APOL3: variants seen among roughly 807,000 people sequenced by gnomAD.
The protein encoded by APOL3 is TNF-inducible protein CG12-1.
Under a neutral mutation model 11.6 loss-of-function variants are expected in APOL3, and 14 were observed. The observed-to-expected ratio is 1.21, with a 90% confidence interval of 0.80 to 1.89. The LOEUF (loss-of-function observed/expected upper bound fraction) is 1.89. Among genes scored for constraint, APOL3 ranks in the 40% most tolerant of loss-of-function variants. The pLI is 0.00. For synonymous variants in APOL3, 192 were observed against 190.6 expected, an observed-to-expected ratio of 1.01 and a Z score of -0.06; for missense variants, 483 against 492.1, an observed-to-expected ratio of 0.98 and a Z score of 0.17.
intron 1 of APOL3, chr22:36,149,380 G>T: frequency 7.7e-7 from 1 of 1,306,210 alleles, no homozygotes; most frequent in Non-Finnish European, 1.0e-6. Context: ...TCCTGTAGGG[G>T]TATGAAGAGA....
chr22:36,163,488 T>TGAAGA (rs2013784540), upstream of APOL3, among the ~76,000 whole-genome samples: 1 of 152,248 alleles, frequency 6.6e-6, no homozygotes, highest in South Asian at 2.1e-4. Flanking sequence ...CAATTTTTTT[T>TGAAGA]CCTTTTTCTT....
chr22:36,163,633 A>G (rs765310922), upstream of APOL3, among the ~76,000 whole-genome samples: 6 of 152,250 alleles, frequency 3.9e-5, no homozygotes, highest in Non-Finnish European at 8.8e-5. Flanking sequence ...TGGTCCACAC[A>G]TAGGTACAAC....
At chr22:36,157,383 T>C (rs2013073656) in intron 1 of APOL3, among the ~76,000 whole-genome samples, 1 of 152,226 alleles carries the variant, frequency 6.6e-6, no homozygotes, top group Non-Finnish European at 1.5e-5. Context: ...TCTTTGTCTG[T>C]AGTAGGTACC....
chr22:36,144,386 C>T (rs80580), intron 2 of APOL3, among the ~76,000 whole-genome samples: 96,634 of 151,952 alleles, frequency 0.64, 31,053 homozygotes, highest in Middle Eastern at 0.76. Context: ...TTCCCCACCT[C>T]TGACCTGCTG....
intron 2 of APOL3, 103 bp downstream of exon 3, chr22:36,145,370 G>A (rs2060154228): frequency 2.1e-6 from 3 of 1,429,468 alleles, no homozygotes; most frequent in African/African-American, 2.9e-5. Context: ...GTTCAGCAGA[G>A]GGGGCTGCCT....
chr22:36,149,034 A>T lies in APOL3; in HGVS notation c.224-3435T>A. ...TAGGAACCAGCCAGGGAAGAGGAAG[A>T]AGCAAGCCTACCTGAGTCCATGGTG... On this transcript the variant is annotated intron_variant, in intron 1 of 2. Coordinates refer to ENST00000349314, the Ensembl canonical transcript of APOL3. 7.3e-7 allele frequency: 1 copy of T among 1,368,476 alleles called. No individual in the cohort carries two copies. Among genetic ancestry groups the T allele is most frequent in the Non-Finnish European group, 9.8e-7 (1 of 1,021,978 alleles). 84.8% of individuals were successfully genotyped at this position (1,368,476 alleles called of 1,614,324 possible). A position where few individuals can be genotyped will look rare whatever the true frequency, so the allele number is the denominator to read the frequency against.
chr22:36,148,288 G>A lies in APOL3; in HGVS notation c.224-2689C>T, dbSNP rs546583002. Reference sequence around the variant, plus strand: ...TAAGCAGGTGCTTGTGATGGGCCGTGCAGGGCAGGCGCCCTGGGGGACAAA... The same window carrying A: ...TAAGCAGGTGCTTGTGATGGGCCGTACAGGGCAGGCGCCCTGGGGGACAAA... On this transcript the variant is annotated intron_variant, in intron 1 of 2. Transcript: ENST00000349314. 2.2e-3 allele frequency among the ~76,000 whole-genome samples: 328 copies of A among 152,370 alleles called. 1 individual carries two copies. Among genetic ancestry groups the A allele is most frequent in the Non-Finnish European group, 3.7e-3 (249 of 68,034 alleles).
rs550365349 is a variant in APOL3 at position 36,141,696 on chromosome 22, C to T, written c.713G>A (p.Ser238Asn). 1.6e-5 allele frequency: 26 copies of T among 1,614,078 alleles called. No individual in the cohort carries two copies. The Admixed American group carries it at 2.7e-4, about 17-fold the overall frequency. The change falls in exon 3 of 3, where the codon AGC becomes AAC. Residue 238 changes from serine to asparagine, a missense_variant. Ser to Asn is a conservative substitution (Grantham distance 46). Transcript: ENST00000349314. ...TGATGTGTATGAGTGCTCCACGATG[C>T]TGGTGGTGATCCCAGTCACAGCAGA...
At chr22:36,141,088 C>T (rs563503275) in exon 3 of APOL3, 14 of 1,481,090 alleles carry the variant, frequency 9.5e-6, no homozygotes, top group East Asian at 9.1e-5. Context: ...AAGTCACTAA[C>T]ACTCAGCTCC....
chr22:36,153,181 C>A (rs2012091766), intron 1 of APOL3: 1 of 189,058 alleles, frequency 5.3e-6, no homozygotes. Flanking sequence ...GTGAGTGGAG[C>A]CCTCTTTATT....
At chr22:36,154,696 G>A (rs2012454697) in intron 1 of APOL3, 1 of 467,150 alleles carries the variant, frequency 2.1e-6, no homozygotes, top group Middle Eastern at 3.3e-4. Context: ...GTGAGCAAAT[G>A]AGACAGAGCA....
intron 1 of APOL3, among the ~76,000 whole-genome samples, chr22:36,153,641 C>G (rs966993824): frequency 6.6e-6 from 1 of 152,160 alleles, no homozygotes; most frequent in Non-Finnish European, 1.5e-5. Flanking sequence ...AGGACGCTTC[C>G]AAAGATGTTC....
intron 1 of APOL3, among the ~76,000 whole-genome samples, chr22:36,154,220 AGCCCTG>A (rs1468994656): frequency 6.6e-6 from 1 of 152,164 alleles, no homozygotes; most frequent in African/African-American, 2.4e-5. Context: ...AAATTTTAAG[AGCCCTG>A]GCTGAGGAGG....
rs11089781 is a variant in APOL3 at position 36,160,720 on chromosome 22, G to A, written c.172C>T (p.Gln58Ter). The A allele has an allele frequency of 0.011, 18,189 of 1,614,018 alleles. 1,916 individuals are homozygous for A. In the African/African-American group the frequency reaches 0.22, roughly 19 times the overall value. ...GAGCAAGATCCAGCTGTTCTGAGCT[G>A]TGTGGATCCCACCTCCAGCCGTGCA... Residue 58 changes from glutamine (Q) to a stop codon, truncating the protein, a stop_gained, in exon 1 of 3, where the codon CAG becomes TAG. Transcript: ENST00000349314. LOFTEE classifies it high-confidence loss of function.
chr22:36,156,224 A>G (rs919901925), intron 1 of APOL3, among the ~76,000 whole-genome samples: 10 of 151,958 alleles, frequency 6.6e-5, no homozygotes, highest in African/African-American at 2.4e-4. Context: ...CCTTCTGAGT[A>G]GTGGGAACTA....
At chr22:36,143,622 G>A (rs1470445705) in intron 2 of APOL3, among the ~76,000 whole-genome samples, 2 of 152,110 alleles carry the variant, frequency 1.3e-5, no homozygotes. Context: ...AAGGCCACTG[G>A]GTCCAGCCAC....
upstream of APOL3, among the ~76,000 whole-genome samples, chr22:36,163,393 C>T (rs2013781119): frequency 6.6e-6 from 1 of 152,220 alleles, no homozygotes; most frequent in Non-Finnish European, 1.5e-5. Flanking sequence ...CGTCCTCGCC[C>T]ACCCTTTTGG....
chr22:36,149,797 C>T (rs1327797675), intron 1 of APOL3: 1 of 455,356 alleles, frequency 2.2e-6, no homozygotes, highest in Admixed American at 2.4e-5. Flanking sequence ...ACTCCTCATT[C>T]CAAATCTGTG....
intron 1 of APOL3, among the ~76,000 whole-genome samples, chr22:36,159,956 A>G (rs1248447089): frequency 6.6e-6 from 1 of 151,290 alleles, no homozygotes; most frequent in East Asian, 1.9e-4. Flanking sequence ...ATCTCGACTC[A>G]CTGCAACCTT....
Sources: allele counts gnomAD v4.1 joint callset (sites outside exome capture counted in the v4.1 genomes callset), GRCh38; gene constraint gnomAD v4.1.1; transcripts MANE v1.5; gene names NCBI Gene and HGNC (gene_info 2026-07-23, HGNC 2026-07-21).